Variants in CNBD1 observed in about 807,000 individuals in gnomAD.
CNBD1 encodes the protein cyclic nucleotide-binding domain-containing protein 1.
CNBD1 carries 71 observed loss-of-function variants against 54.4 expected under a neutral mutation model. That is an observed-to-expected ratio of 1.30 (90% CI 1.08 to 1.59). The LOEUF (loss-of-function observed/expected upper bound fraction) is 1.59, where lower values mean the gene tolerates loss of function less well. Ranked by LOEUF, CNBD1 falls within the 40% of genes most tolerant of loss-of-function variation. The pLI, the probability that CNBD1 is intolerant of heterozygous loss-of-function variation, is 0.00. For synonymous variants in CNBD1, 182 were observed against 170.7 expected (o/e 1.07, Z -0.51); for missense variants, 659 against 518.0 (o/e 1.27, Z -2.64).
At chr8:87,332,360 A>G (rs540167273) in intron 8 of CNBD1, among the ~76,000 whole-genome samples, 1 of 151,974 alleles carries the variant, frequency 6.6e-6, no homozygotes, top group African/African-American at 2.4e-5. Context: ...GAAAAAAAAA[A>G]AAAAAAGAAA....
intron 8 of CNBD1, among the ~76,000 whole-genome samples, chr8:87,346,182 C>A (rs1443269766): frequency 6.6e-6 from 1 of 151,990 alleles, no homozygotes. Flanking sequence ...GCTGAGATTA[C>A]AGGCATGCGC....
intron 4 of CNBD1, among the ~76,000 whole-genome samples, chr8:87,191,170 A>G (rs1360357430): frequency 2.0e-5 from 3 of 151,438 alleles, no homozygotes; most frequent in Non-Finnish European, 2.9e-5. Context: ...ACTTCAGTCT[A>G]TAGCAGAAGG....
chr8:87,348,654 A>T (rs1382870978), intron 8 of CNBD1, among the ~76,000 whole-genome samples: 2 of 152,196 alleles, frequency 1.3e-5, no homozygotes, highest in African/African-American at 4.8e-5. Flanking sequence ...TTAGACTAGT[A>T]GGCTGAGGTT....
chr8:87,228,753 C>T (rs1408295251), intron 5 of CNBD1, among the ~76,000 whole-genome samples: 1 of 152,008 alleles, frequency 6.6e-6, no homozygotes, highest in Admixed American at 6.5e-5. Flanking sequence ...CCTCCTTGAG[C>T]TGTGGTGGGC....
chr8:87,344,373 A>G (rs1020463145), intron 8 of CNBD1, among the ~76,000 whole-genome samples: 15 of 152,120 alleles, frequency 9.9e-5, no homozygotes, highest in Non-Finnish European at 1.8e-4. Flanking sequence ...TAAGAAAAAC[A>G]TGAACATTTC....
chr8:86,949,142 G>A (rs566303869), intron 4 of CNBD1, among the ~76,000 whole-genome samples: 1 of 152,184 alleles, frequency 6.6e-6, no homozygotes, highest in East Asian at 1.9e-4. Flanking sequence ...ATGCCATTTT[G>A]TTTACTATAG....
At chr8:87,327,509 C>T (rs1310749348) in intron 8 of CNBD1, among the ~76,000 whole-genome samples, 3 of 152,164 alleles carry the variant, frequency 2.0e-5, no homozygotes, top group South Asian at 2.1e-4. Flanking sequence ...TTTCGTGGTG[C>T]GCCGTTTTTT....
chr8:86,989,167 G>A (rs187326916), intron 4 of CNBD1, among the ~76,000 whole-genome samples: 2 of 152,210 alleles, frequency 1.3e-5, no homozygotes, highest in Admixed American at 1.3e-4. Context: ...AACTACTCAG[G>A]AAGCTGAGGT....
At chr8:86,958,697 C>T (rs981181149) in intron 4 of CNBD1, among the ~76,000 whole-genome samples, 5 of 152,134 alleles carry the variant, frequency 3.3e-5, no homozygotes, top group Admixed American at 6.5e-5. Context: ...CTTCCCCCAT[C>T]CCTTTATTTT....
intron 1 of CNBD1, among the ~76,000 whole-genome samples, chr8:86,884,728 A>G (rs1033972326): frequency 1.3e-5 from 2 of 152,142 alleles, no homozygotes; most frequent in Non-Finnish European, 2.9e-5. Flanking sequence ...TTATTATTGT[A>G]TAAGGGTTGC....
intron 4 of CNBD1, among the ~76,000 whole-genome samples, chr8:87,183,517 A>T (rs1257253736): frequency 6.6e-6 from 1 of 151,272 alleles, no homozygotes; most frequent in African/African-American, 2.4e-5. Flanking sequence ...CAGATTCTGA[A>T]TTCTATGTCT....
intron 6 of CNBD1, among the ~76,000 whole-genome samples, chr8:87,245,845 C>A (rs1163936902): frequency 6.6e-6 from 1 of 151,568 alleles, no homozygotes; most frequent in Non-Finnish European, 1.5e-5. Flanking sequence ...CTTTATCATT[C>A]TTTTATTATT....
chr8:86,897,346 A>G (rs1338863747), intron 2 of CNBD1, among the ~76,000 whole-genome samples: 1 of 152,206 alleles, frequency 6.6e-6, no homozygotes, highest in African/African-American at 2.4e-5. Flanking sequence ...AAAAGATCCA[A>G]AAGAGGAGGG....
intron 4 of CNBD1, among the ~76,000 whole-genome samples, chr8:86,988,285 C>T (rs566055278): frequency 9.2e-5 from 14 of 151,634 alleles, no homozygotes; most frequent in South Asian, 2.1e-4. Flanking sequence ...TTCTAATTTG[C>T]GTGCATTCAG....
At chr8:87,316,409 A>G (rs1036960890) in intron 8 of CNBD1, among the ~76,000 whole-genome samples, 2 of 152,062 alleles carry the variant, frequency 1.3e-5, no homozygotes, top group East Asian at 1.9e-4. Context: ...TTAATGTATG[A>G]AATTTTCCTA....
Position 87,388,427 on chromosome 8 carries a change from C to T in CNBD1, c.213+34641C>T, listed in dbSNP as rs572011249. Among the ~76,000 whole-genome samples the T allele has an allele frequency of 9.5e-4, 145 of 152,000 alleles. 1 individual carries two copies. Among genetic ancestry groups the T allele is most frequent in the African/African-American group, 3.1e-3 (129 of 41,450 alleles). On this transcript the variant is annotated intron_variant, in intron 2 of 7. Transcript: ENST00000521593. Reference sequence around the variant, plus strand: ...AAAATGATAAAGGGGATATCACCACCGATCCCACAGAAATACAAACTACCA... The same window carrying T: ...AAAATGATAAAGGGGATATCACCACTGATCCCACAGAAATACAAACTACCA...
chr8:87,214,461 T>C (rs1056646088), intron 5 of CNBD1, among the ~76,000 whole-genome samples: 3 of 152,158 alleles, frequency 2.0e-5, no homozygotes, highest in Non-Finnish European at 2.9e-5. Flanking sequence ...GGTTCCAAAC[T>C]TTTCCACATT....
In CNBD1 at chr8:87,309,077, G is replaced by A. The variant is rs114570516; in HGVS notation, c.1042+22406G>A. On this transcript the variant is annotated intron_variant, in intron 8 of 10. Transcript: ENST00000518476. ...TAGGGTGTAGGTATCCCTTTGAAAT[G>A]CTGATTTTCGTTCTTTTGGGTAAGT... Among the ~76,000 whole-genome samples the A allele has an allele frequency of 6.2e-3, 942 of 152,162 alleles. 8 individuals carry two copies. The highest frequency in any genetic ancestry group is 0.021 in the African/African-American group (881 of 41,522).
At chr8:87,291,135 T>C (rs1221769687) in intron 8 of CNBD1, among the ~76,000 whole-genome samples, 2 of 152,196 alleles carry the variant, frequency 1.3e-5, no homozygotes, top group East Asian at 1.9e-4. Context: ...AAATCTTTAA[T>C]GTAGTTTGAA....
Sources: allele counts gnomAD v4.1 joint callset (sites outside exome capture counted in the v4.1 genomes callset), GRCh38; gene constraint gnomAD v4.1.1; transcripts MANE v1.5; gene names NCBI Gene and HGNC (gene_info 2026-07-23, HGNC 2026-07-21).